The following MIB1 variants were observed in gnomAD, a reference collection of about 807,000 sequenced individuals.
MIB1 encodes MIB E3 ubiquitin protein ligase 1.
MIB1 carries 278 observed loss-of-function variants against 124.5 expected under a neutral mutation model. The ratio of observed to expected loss-of-function variants is 2.23; its 90% confidence interval spans 2.02 to 2.47. MIB1 has a LOEUF of 2.47. Among genes scored for constraint, MIB1 ranks in the 30% most tolerant of loss-of-function variants. The pLI, the probability that MIB1 is intolerant of heterozygous loss-of-function variation, is 0.00. For missense variants in MIB1, 957 were observed against 1,254.4 expected, an observed-to-expected ratio of 0.76 and a Z score of 3.58; for synonymous variants, 446 against 429.4, an observed-to-expected ratio of 1.04 and a Z score of -0.48.
chr18:21,790,619 TTATG>T (rs2146441750), intron 6 of MIB1, among the ~76,000 whole-genome samples: 1 of 152,312 alleles, frequency 6.6e-6, no homozygotes, highest in African/African-American at 2.4e-5. Context: ...AACAACTAGA[TTATG>T]AATGTCATTC....
At chr18:21,848,964 A>G (rs1598641498) in intron 16 of MIB1, among the ~76,000 whole-genome samples, 2 of 151,562 alleles carry the variant, frequency 1.3e-5, no homozygotes, top group African/African-American at 4.9e-5. Context: ...ACCCTTTTCC[A>G]TTGGGTGAGT....
intron 1 of MIB1, among the ~76,000 whole-genome samples, chr18:21,751,654 A>G (rs2040976538): frequency 1.3e-5 from 2 of 151,870 alleles, no homozygotes; most frequent in African/African-American, 4.8e-5. Context: ...TTCCCTTCTC[A>G]TTTTATTGGG....
At chr18:21,808,784 AT>A (rs1373978363) in intron 10 of MIB1, among the ~76,000 whole-genome samples, 3 of 151,960 alleles carry the variant, frequency 2.0e-5, no homozygotes, top group African/African-American at 4.8e-5. Context: ...CGTGGACTCT[AT>A]TTTTTTCCCC....
chr18:21,867,587 C>A lies in MIB1; in HGVS notation c.*2921C>A, dbSNP rs2042329512. On this transcript the variant is annotated 3_prime_UTR_variant, in exon 21 of 21. Transcript: ENST00000261537. ...CAAATTATGCATAAGATATTTGTAA[C>A]TTTAAACATTGCAAATTGACCAGCT... The A allele has an allele frequency of 6.6e-6, 1 of 152,526 alleles. No individual in the cohort carries two copies. Among genetic ancestry groups the A allele is most frequent in the Non-Finnish European group, 1.5e-5 (1 of 67,976 alleles). The allele number at this position is 152,526 out of a possible 1,614,324, so 9.4% of individuals were successfully genotyped here.
chr18:21,773,700 A>T lies in MIB1; in HGVS notation c.608A>T (p.Asn203Ile). 1 of 1,605,468 alleles carries T rather than the reference A, an allele frequency of 6.2e-7. No homozygotes were observed. Among genetic ancestry groups the T allele is most frequent in the Non-Finnish European group, 8.5e-7 (1 of 1,176,722 alleles). Residue 203 changes from asparagine (N) to isoleucine (I), a missense_variant, in exon 4 of 21, where the codon AAC becomes ATC. Physicochemically the swap from Asn to Ile is moderately radical, Grantham distance 149. Transcript: ENST00000261537. ...AYVLWDNGAK[N>I]LYRVGFEGMS... ...GTCCTCTGGGATAATGGTGCTAAGA[A>T]CCTTTACAGAGTTGGCTTTGAGGGC...
chr18:21,762,579 C>T (rs2041110525), intron 1 of MIB1, among the ~76,000 whole-genome samples: 1 of 152,218 alleles, frequency 6.6e-6, no homozygotes, highest in South Asian at 2.1e-4. Context: ...TCCAAGTTTT[C>T]TACACTGAGT....
At chr18:21,798,062 T>C in intron 7 of MIB1, 22 bp from the exon 8 acceptor site, 1 of 1,611,126 alleles carries the variant, frequency 6.2e-7, no homozygotes, top group Non-Finnish European at 8.5e-7. Context: ...CTTGGAAACA[T>C]GAATCTATTT....
At chr18:21,823,863 C>T (rs1157919472) in intron 12 of MIB1, among the ~76,000 whole-genome samples, 1 of 152,002 alleles carries the variant, frequency 6.6e-6, no homozygotes, top group Non-Finnish European at 1.5e-5. Context: ...TTTATCATCT[C>T]TTAGTATATA....
At chr18:21,713,612 CAAAAAAAAAAAAAAA>C (rs57282241) in intron 1 of MIB1, among the ~76,000 whole-genome samples, 6 of 44,210 alleles carry the variant, frequency 1.4e-4, no homozygotes, top group Non-Finnish European at 2.3e-4. Flanking sequence ...GATTCTGTCT[CAAAAAAAAAAAAAAA>C]AAAAAAAAAA....
At chr18:21,722,663 C>T (rs541173275) in intron 1 of MIB1, among the ~76,000 whole-genome samples, 8 of 152,278 alleles carry the variant, frequency 5.3e-5, no homozygotes, top group African/African-American at 1.9e-4. Flanking sequence ...GCCACCATGC[C>T]TGCCTCTTTC....
chr18:21,749,009 C>T (rs2040944232), intron 1 of MIB1, among the ~76,000 whole-genome samples: 1 of 151,982 alleles, frequency 6.6e-6, no homozygotes, highest in African/African-American at 2.4e-5. Context: ...CCCAGATTGC[C>T]TGGATTACAG....
chr18:21,764,885 C>T (rs2041139283), intron 1 of MIB1, among the ~76,000 whole-genome samples: 1 of 151,992 alleles, frequency 6.6e-6, no homozygotes, highest in Admixed American at 6.6e-5. Context: ...ATAATACAGC[C>T]CTTGCTTGGT....
intron 13 of MIB1, among the ~76,000 whole-genome samples, chr18:21,841,510 T>A (rs918351838): frequency 6.6e-6 from 1 of 152,172 alleles, no homozygotes; most frequent in African/African-American, 2.4e-5. Flanking sequence ...ATAGAAATTA[T>A]AACCACAACC....
chr18:21,727,335 T>A (rs563254268), intron 1 of MIB1, among the ~76,000 whole-genome samples: 33 of 152,296 alleles, frequency 2.2e-4, no homozygotes, highest in African/African-American at 7.7e-4. Flanking sequence ...AGTTTTACCA[T>A]GTTGGCCAGC....
chr18:21,827,997 C>T lies in MIB1; in HGVS notation c.1829+8351C>T, dbSNP rs1598630592. 5 of 151,988 alleles carry T rather than the reference C, an allele frequency of 3.3e-5. 1 individual carries two copies. Among genetic ancestry groups the T allele is most frequent in the Middle Eastern group, 6.8e-3 (2 of 294 alleles). 9.4% of individuals were successfully genotyped at this position (151,988 alleles called of 1,614,324 possible). A position where few individuals can be genotyped will look rare whatever the true frequency, so the allele number is the denominator to read the frequency against. On this transcript the variant is annotated intron_variant, in intron 12 of 20. Transcript: ENST00000261537. ...TAACTTTGTCATTAGTAGCTTAAAA[C>T]AGGTACTGCTTATAAATTTTGCTAA... is the stretch of plus-strand genomic sequence containing the variant.
chr18:21,839,572 A>G (rs1476179452), intron 13 of MIB1, among the ~76,000 whole-genome samples: 2 of 152,152 alleles, frequency 1.3e-5, no homozygotes, highest in African/African-American at 4.8e-5. Context: ...TGGCACAATC[A>G]TGGCTCACTG....
chr18:21,844,212 G>A lies in MIB1; in HGVS notation c.2170G>A (p.Val724Met). The change falls in exon 15 of 21, where the codon GTG becomes ATG. Residue 724 changes from valine (V) to methionine (M), a missense_variant. By Grantham distance (21) the Val-to-Met change is conservative. Coordinates refer to ENST00000261537, the MANE Select transcript of MIB1 (RefSeq NM_020774.4). ...ACGTCAGCTCCAAGATATGCAAGAT[G>A]TGGGGAAGGTGGATGCTGCCTGGGA... The part of the protein sequence containing the change: ...QLRQLQDMQD[V>M]GKVDAAWEPS... 2 of 1,614,196 alleles carry A rather than the reference G, an allele frequency of 1.2e-6. No individual in the cohort carries two copies. The highest frequency in any genetic ancestry group is 1.7e-6 in the Non-Finnish European group (2 of 1,180,026).
chr18:21,789,632 C>T (rs1227476005), intron 6 of MIB1, among the ~76,000 whole-genome samples: 6 of 152,066 alleles, frequency 3.9e-5, no homozygotes, highest in Non-Finnish European at 7.4e-5. Flanking sequence ...GGCTGGCCAA[C>T]GTAGCGAAAC....
At chr18:21,846,240 T>C (rs1254539422) in intron 15 of MIB1, among the ~76,000 whole-genome samples, 8 of 152,200 alleles carry the variant, frequency 5.3e-5, no homozygotes, top group African/African-American at 1.9e-4. Context: ...CTCTGCCTTA[T>C]TTATGACCAT....
Sources: allele counts gnomAD v4.1 joint callset (sites outside exome capture counted in the v4.1 genomes callset), GRCh38; gene constraint gnomAD v4.1.1; transcripts MANE v1.5; gene names NCBI Gene and HGNC (gene_info 2026-07-23, HGNC 2026-07-21).